Variants in HEG1 observed in about 807,000 individuals in gnomAD.
HEG1 encodes heart development protein with EGF like domains 1, also known as protein HEG homolog 1.
In HEG1, 56 loss-of-function variants were observed where a neutral mutation model predicts 125.6. That is an observed-to-expected ratio of 0.45 (90% CI 0.36 to 0.56). The LOEUF (loss-of-function observed/expected upper bound fraction) is 0.56, where lower values mean the gene tolerates loss of function less well. HEG1 is among the 20% of genes least tolerant of loss of function. HEG1 has a pLI of 0.00. For synonymous variants in HEG1, 644 were observed against 668.5 expected (o/e 0.96, Z 0.57); for missense variants, 1,523 against 1,670.0 (o/e 0.91, Z 1.53).
At chr3:124,979,543 T>C (rs1029162975) in intron 14 of HEG1, among the ~76,000 whole-genome samples, 1 of 152,222 alleles carries the variant, frequency 6.6e-6, no homozygotes, top group African/African-American at 2.4e-5. Flanking sequence ...AATCATATCT[T>C]CAATAAATTT....
chr3:124,971,133 C>A, intron 16 of HEG1: 1 of 490,014 alleles, frequency 2.0e-6, no homozygotes, highest in South Asian at 1.5e-5. Flanking sequence ...CCAGTTGGAT[C>A]TCAAAAAAAG....
chr3:125,032,952 T>C (rs1937514230), intron 1 of HEG1, among the ~76,000 whole-genome samples: 1 of 152,048 alleles, frequency 6.6e-6, no homozygotes, highest in Admixed American at 6.5e-5. Context: ...GGAACTCCAG[T>C]GCAGTCTCCG....
chr3:124,991,041 C>T, intron 12 of HEG1, 55 bp from the exon 13 acceptor site: 1 of 1,401,506 alleles, frequency 7.1e-7, no homozygotes, highest in Non-Finnish European at 9.8e-7. Flanking sequence ...CCCAAACTCC[C>T]AGTTAATTAA....
intron 3 of HEG1, among the ~76,000 whole-genome samples, chr3:125,022,915 C>G (rs200424269): frequency 1.3e-5 from 2 of 152,090 alleles, no homozygotes; most frequent in Non-Finnish European, 2.9e-5. Flanking sequence ...AGTGGTCGGC[C>G]GGGTGCAGTG....
chr3:125,006,431 C>T (rs534041654), intron 8 of HEG1, among the ~76,000 whole-genome samples: 1 of 152,118 alleles, frequency 6.6e-6, no homozygotes, highest in African/African-American at 2.4e-5. Context: ...TCTTTCCCTC[C>T]GGATGGAAAA....
chr3:125,040,988 TA>T (rs1316650597), intron 1 of HEG1, among the ~76,000 whole-genome samples: 1 of 152,208 alleles, frequency 6.6e-6, no homozygotes, highest in Admixed American at 6.5e-5. Context: ...TGCCCTATTT[TA>T]CAGAAGTGGA....
intron 1 of HEG1, among the ~76,000 whole-genome samples, chr3:125,034,362 A>AT (rs1290705229): frequency 6.6e-6 from 1 of 152,204 alleles, no homozygotes; most frequent in Non-Finnish European, 1.5e-5. Flanking sequence ...ATTAGAAAAA[A>AT]TTTTTTTAAA....
At chr3:124,985,546 A>G (rs912703858) in intron 14 of HEG1, among the ~76,000 whole-genome samples, 4 of 152,218 alleles carry the variant, frequency 2.6e-5, no homozygotes, top group African/African-American at 4.8e-5. Context: ...GGAGTGAGAG[A>G]CACATCTGAT....
At chr3:124,980,871 T>G (rs534336830) in intron 14 of HEG1, among the ~76,000 whole-genome samples, 1 of 151,694 alleles carries the variant, frequency 6.6e-6, no homozygotes, top group African/African-American at 2.4e-5. Context: ...CTTTTTTTTT[T>G]TTGAGACAGG....
chr3:125,032,936 G>A (rs1937513960), intron 1 of HEG1, among the ~76,000 whole-genome samples: 1 of 152,128 alleles, frequency 6.6e-6, no homozygotes, highest in South Asian at 2.1e-4. Context: ...AGCCCATTCA[G>A]CTCAGGGAAC....
chr3:124,984,181 G>C (rs187623782), intron 14 of HEG1, among the ~76,000 whole-genome samples: 41 of 152,278 alleles, frequency 2.7e-4, no homozygotes, highest in Admixed American at 1.4e-3. Flanking sequence ...CCGTGGGTTG[G>C]GCTGGGAAGA....
rs918142050 is a variant in HEG1 at position 125,012,650 on chromosome 3, G to A, written c.2929C>T (p.Pro977Ser). Residue 977 changes from proline to serine, a missense_variant, in exon 6 of 17, where the codon CCA becomes TCA. Physicochemically the swap from Pro to Ser is moderately conservative, Grantham distance 74. Transcript: ENST00000311127. Reference sequence around the variant, plus strand: ...GAGGCTGAAGAGGACACTGTTGTTGGTGACTGTGTGCTGCTCTGAACAGCA... The same window carrying A: ...GAGGCTGAAGAGGACACTGTTGTTGATGACTGTGTGCTGCTCTGAACAGCA... ...TFAVQSSTQS[P>S]TTVSSSASVN... 3.7e-6 allele frequency: 6 copies of A among 1,613,710 alleles called. No individual in the cohort carries two copies. The Admixed American group carries it at 5.0e-5, about 13-fold the overall frequency.
chr3:125,051,028 C>T (rs1937793812), intron 1 of HEG1, among the ~76,000 whole-genome samples: 1 of 152,210 alleles, frequency 6.6e-6, no homozygotes, highest in South Asian at 2.1e-4. Flanking sequence ...TCAGCCACTG[C>T]TCCACGTTCC....
intron 15 of HEG1, among the ~76,000 whole-genome samples, chr3:124,976,963 C>T (rs559355515): frequency 1.3e-5 from 2 of 152,152 alleles, no homozygotes; most frequent in Admixed American, 6.5e-5. Flanking sequence ...TGATATGGTT[C>T]GGCTATGTCC....
chr3:124,978,091 G>T (rs1158116070), intron 14 of HEG1, 145 bp from the exon 15 acceptor site: 9 of 587,342 alleles, frequency 1.5e-5, no homozygotes, highest in Non-Finnish European at 1.2e-5. Flanking sequence ...CTCTGGCAAG[G>T]GATCCTCAAT....
intron 12 of HEG1, among the ~76,000 whole-genome samples, chr3:124,995,670 C>G (rs1936910066): frequency 6.6e-6 from 1 of 152,242 alleles, no homozygotes; most frequent in Non-Finnish European, 1.5e-5. Context: ...CCGGAATCCA[C>G]TCCTCAGAGG....
intron 3 of HEG1, among the ~76,000 whole-genome samples, chr3:125,026,284 G>A (rs1447171511): frequency 6.6e-6 from 1 of 152,160 alleles, no homozygotes; most frequent in Admixed American, 6.5e-5. Context: ...CCTTGTTCTT[G>A]GGCGAGGGGG....
At chr3:125,021,252 TATAGATACAAAC>T in intron 3 of HEG1, 122 bp from the exon 4 acceptor site, 1 of 711,742 alleles carries the variant, frequency 1.4e-6, no homozygotes, top group Non-Finnish European at 2.3e-6. Context: ...ATGGACCTAA[TATAGATACAAAC>T]ATATCTATAC....
chr3:125,012,726 T>C lies in HEG1; in HGVS notation c.2853A>G (p.Gln951=). Residue 951 remains glutamine, a synonymous_variant, in exon 6 of 17, where the codon CAA becomes CAG. Transcript: ENST00000311127. ...SRSLGTSPSP[Q]TTVVSTAEDL... ...CTTCAGCCGTGGAAACAACTGTGGT[T>C]TGGGGAGAAGGAGATGTTCCGAGGG... is the stretch of plus-strand genomic sequence containing the variant. The C allele has an allele frequency of 1.2e-6, 2 of 1,613,940 alleles. No homozygotes were observed. The highest frequency in any genetic ancestry group is 1.3e-5 in the African/African-American group (1 of 75,020).
Sources: allele counts gnomAD v4.1 joint callset (sites outside exome capture counted in the v4.1 genomes callset), GRCh38; gene constraint gnomAD v4.1.1; transcripts MANE v1.5; gene names NCBI Gene and HGNC (gene_info 2026-07-23, HGNC 2026-07-21).